The following EDA variants were observed in gnomAD, a reference collection of about 807,000 sequenced individuals.
EDA encodes ectodysplasin-A.
Under a neutral mutation model 23.6 loss-of-function variants are expected in EDA, and 2 were observed. That is an observed-to-expected ratio of 0.08 (90% CI 0.03 to 0.27). The LOEUF (loss-of-function observed/expected upper bound fraction) is 0.27. Ranked by LOEUF, EDA falls within the 10% of genes least tolerant of loss-of-function variation. EDA has a pLI of 1.00. For missense variants in EDA, 229 were observed against 324.2 expected, an observed-to-expected ratio of 0.71 and a Z score of 2.26; for synonymous variants, 131 against 132.0, an observed-to-expected ratio of 0.99 and a Z score of 0.05.
At chrX:69,829,408 A>T (rs1238305016) in intron 1 of EDA, among the ~76,000 whole-genome samples, 1 of 112,383 alleles carries the variant, frequency 8.9e-6, no homozygotes, top group Non-Finnish European at 1.9e-5. Context: ...TATGTCAAAA[A>T]GTGGTCCTTT....
intron 1 of EDA, among the ~76,000 whole-genome samples, chrX:69,847,246 A>G (rs1481880723): frequency 1.8e-5 from 2 of 111,853 alleles, no homozygotes; most frequent in Non-Finnish European, 3.8e-5. Flanking sequence ...CATATCAGAC[A>G]TATGGACAAG....
Position 69,836,545 on chromosome X carries a change from CAT to C in EDA, c.397-120481_397-120480del, listed in dbSNP as rs1370782723. Among the ~76,000 whole-genome samples, 2 of 112,674 alleles carry C rather than the reference CAT, an allele frequency of 1.8e-5. 1 individual carries two copies. The highest frequency in any genetic ancestry group is 3.8e-5 in the Non-Finnish European group (2 of 53,301). ...TGGGTGTGGGACCCACCGAGCCAGG[CAT>C]TGGAGAGAATCTTCTTGTCTGCCAG... On this transcript the variant is annotated intron_variant, in intron 1 of 7. Coordinates refer to ENST00000374552, the MANE Select transcript of EDA (RefSeq NM_001399.5).
At chrX:69,963,005 A>C (rs764961299) in intron 2 of EDA, among the ~76,000 whole-genome samples, 1 of 111,448 alleles carries the variant, frequency 9.0e-6, no homozygotes, top group African/African-American at 3.3e-5. Flanking sequence ...CTGTGGCACT[A>C]TCTCACTCTG....
intron 2 of EDA, among the ~76,000 whole-genome samples, chrX:69,981,181 C>T (rs1028547753): frequency 3.6e-5 from 4 of 111,438 alleles, no homozygotes; most frequent in Non-Finnish European, 7.5e-5. Flanking sequence ...CTCTCTTTAC[C>T]GCTAGATCCT....
At chrX:69,788,613 G>T (rs1327766701) in intron 1 of EDA, among the ~76,000 whole-genome samples, 1 of 112,236 alleles carries the variant, frequency 8.9e-6, no homozygotes, top group East Asian at 2.8e-4. Flanking sequence ...CAGGGGTCAG[G>T]GGTCAGGGAG....
chrX:70,001,557 C>G (rs2019741197), intron 2 of EDA, among the ~76,000 whole-genome samples: 1 of 111,809 alleles, frequency 8.9e-6, no homozygotes, highest in Non-Finnish European at 1.9e-5. Flanking sequence ...CAGGGTAGCT[C>G]TGATGATTTA....
At chrX:69,914,655 T>G (rs1156881346) in intron 1 of EDA, among the ~76,000 whole-genome samples, 2 of 111,412 alleles carry the variant, frequency 1.8e-5, no homozygotes, top group African/African-American at 6.5e-5. Context: ...TATTTGGAAC[T>G]ATATAATAAA....
At chrX:69,917,746 AT>A (rs1381263356) in intron 1 of EDA, among the ~76,000 whole-genome samples, 5 of 111,201 alleles carry the variant, frequency 4.5e-5, no homozygotes, top group African/African-American at 1.3e-4. Context: ...TAGATTATCA[AT>A]TTTTTAATAA....
chrX:69,683,117 T>C (rs1286725121), intron 1 of EDA, among the ~76,000 whole-genome samples: 1 of 111,259 alleles, frequency 9.0e-6, no homozygotes, highest in Non-Finnish European at 1.9e-5. Context: ...TTTTGAGGAT[T>C]AAAGGGGTTT....
chrX:69,989,641 A>C (rs770368900), intron 2 of EDA, among the ~76,000 whole-genome samples: 53 of 111,617 alleles, frequency 4.7e-4, no homozygotes, highest in Non-Finnish European at 5.6e-4. Context: ...ACACAGAAAT[A>C]TATATATAAT....
intron 1 of EDA, among the ~76,000 whole-genome samples, chrX:69,662,577 A>G (rs964850339): frequency 2.7e-5 from 3 of 112,294 alleles, no homozygotes; most frequent in Non-Finnish European, 5.6e-5. Context: ...ACAGACTAAT[A>G]CAGTAAATTG....
intron 1 of EDA, among the ~76,000 whole-genome samples, chrX:69,931,762 C>A (rs1025074232): frequency 1.8e-5 from 2 of 111,666 alleles, no homozygotes; most frequent in African/African-American, 3.3e-5. Context: ...AATGGTACAT[C>A]CACTTTAGGA....
rs1003177441 is a variant in EDA, at chrX:69,668,168, G to A, written c.396+51464G>A. 3.5e-4 allele frequency among the ~76,000 whole-genome samples: 39 copies of A among 111,973 alleles called. 1 individual carries two copies. Among genetic ancestry groups the A allele is most frequent in the African/African-American group, 1.2e-3 (38 of 30,828 alleles). ...TTTGCCATATCCCATAGGTTTTGGT[G>A]TGTTGTGTTTTCATTATCGCTTGTC... is the stretch of plus-strand genomic sequence containing the variant. On this transcript the variant is annotated intron_variant, in intron 1 of 7. Transcript: ENST00000374552.
At chrX:69,877,375 T>C (rs1486295112) in intron 1 of EDA, among the ~76,000 whole-genome samples, 1 of 112,246 alleles carries the variant, frequency 8.9e-6, no homozygotes, top group Non-Finnish European at 1.9e-5. Flanking sequence ...CTCTTCGTAC[T>C]GTTCATTTTT....
At chrX:69,820,520 T>C (rs1165411644) in intron 1 of EDA, among the ~76,000 whole-genome samples, 1 of 111,871 alleles carries the variant, frequency 8.9e-6, no homozygotes, top group East Asian at 2.8e-4. Context: ...ATATCCAGCA[T>C]CTATAAGGAA....
chrX:70,031,176 C>T (rs2020193864), intron 6 of EDA, among the ~76,000 whole-genome samples: 1 of 112,475 alleles, frequency 8.9e-6, no homozygotes, highest in Non-Finnish European at 1.9e-5. Context: ...GTCCTCACAA[C>T]CACCCTATGA....
intron 1 of EDA, among the ~76,000 whole-genome samples, chrX:69,930,203 A>T (rs1403762817): frequency 8.9e-6 from 1 of 111,900 alleles, no homozygotes; most frequent in Admixed American, 9.5e-5. Flanking sequence ...TAGATGGATA[A>T]CTGGATGATA....
intron 1 of EDA, among the ~76,000 whole-genome samples, chrX:69,820,688 TATC>T (rs1385632177): frequency 2.7e-5 from 3 of 112,062 alleles, no homozygotes; most frequent in African/African-American, 9.7e-5. Context: ...CACAATGAGA[TATC>T]ATCTCATGCC....
chrX:70,015,982 T>G (rs1375171159), intron 2 of EDA, among the ~76,000 whole-genome samples: 1 of 108,062 alleles, frequency 9.3e-6, no homozygotes, highest in East Asian at 2.9e-4. Context: ...CCATCTCACA[T>G]ACAGTGACAC....
Sources: allele counts gnomAD v4.1 joint callset (sites outside exome capture counted in the v4.1 genomes callset), GRCh38; gene constraint gnomAD v4.1.1; transcripts MANE v1.5; gene names NCBI Gene and HGNC (gene_info 2026-07-23, HGNC 2026-07-21).